The following LRRTM3 variants were observed in gnomAD, a reference collection of about 807,000 sequenced individuals.
The protein encoded by LRRTM3 is leucine rich repeat transmembrane neuronal 3, also known as leucine-rich repeat transmembrane neuronal protein 3.
LRRTM3 carries 24 observed loss-of-function variants against 44.7 expected under a neutral mutation model. That is an observed-to-expected ratio of 0.54 (90% CI 0.39 to 0.76). The LOEUF (loss-of-function observed/expected upper bound fraction) is 0.76. Among genes scored for constraint, LRRTM3 ranks in the 30% least tolerant of loss-of-function variants. The probability of loss-of-function intolerance (pLI) is 0.00; values close to 1 mark genes in which losing one functional copy is unlikely to be tolerated. For missense variants in LRRTM3, 587 were observed against 702.2 expected, an observed-to-expected ratio of 0.84 and a Z score of 1.85; for synonymous variants, 277 against 278.7, an observed-to-expected ratio of 0.99 and a Z score of 0.06.
At chr10:67,088,983 C>T (rs1347556089) in intron 2 of LRRTM3, among the ~76,000 whole-genome samples, 3 of 151,892 alleles carry the variant, frequency 2.0e-5, no homozygotes, top group Non-Finnish European at 2.9e-5. Context: ...ATAATGACTA[C>T]TTAGATAGAA....
intron 2 of LRRTM3, among the ~76,000 whole-genome samples, chr10:66,931,186 AAC>A (rs1847365350): frequency 2.0e-5 from 2 of 101,330 alleles, no homozygotes; most frequent in African/African-American, 7.1e-5. Flanking sequence ...CAAAGGTGAC[AAC>A]AGTTAAAAAA....
At chr10:66,985,131 T>A (rs1850654691) in intron 2 of LRRTM3, among the ~76,000 whole-genome samples, 1 of 152,192 alleles carries the variant, frequency 6.6e-6, no homozygotes, top group Non-Finnish European at 1.5e-5. Context: ...AAGACTAACA[T>A]TATCTAATAC....
At chr10:67,077,221 C>T (rs919940190) in intron 2 of LRRTM3, among the ~76,000 whole-genome samples, 1 of 152,174 alleles carries the variant, frequency 6.6e-6, no homozygotes, top group African/African-American at 2.4e-5. Flanking sequence ...TGCACATGTT[C>T]GCTCTGGACC....
intron 2 of LRRTM3, among the ~76,000 whole-genome samples, chr10:67,095,527 A>G (rs1857936010): frequency 6.6e-6 from 1 of 151,788 alleles, no homozygotes; most frequent in African/African-American, 2.4e-5. Context: ...ACCAGTCAGT[A>G]GCCTTGATAC....
In LRRTM3 at chr10:67,089,495, G is replaced by A. The variant is rs894844274; in HGVS notation, c.1537-8092G>A. On this transcript the variant is annotated intron_variant, in intron 2 of 2. Coordinates refer to ENST00000361320, the MANE Select transcript of LRRTM3 (RefSeq NM_178011.5). Reference sequence around the variant, plus strand: ...AGTTCTAGGAGATAGATTGCTCTTCGAACAAATAAATCAGTTTCAAAGTAA... The same window carrying A: ...AGTTCTAGGAGATAGATTGCTCTTCAAACAAATAAATCAGTTTCAAAGTAA... Among the ~76,000 whole-genome samples the A allele has an allele frequency of 3.9e-5, 6 of 151,906 alleles. 1 individual carries two copies. Among genetic ancestry groups the A allele is most frequent in the Admixed American group, 2.6e-4 (4 of 15,224 alleles).
At chr10:66,979,330 G>A (rs1267992902) in intron 2 of LRRTM3, among the ~76,000 whole-genome samples, 2 of 152,042 alleles carry the variant, frequency 1.3e-5, no homozygotes, top group Admixed American at 6.6e-5. Context: ...AAGCATACAT[G>A]TATTTGTGAA....
intron 2 of LRRTM3, among the ~76,000 whole-genome samples, chr10:67,091,325 C>T (rs1857620369): frequency 6.6e-6 from 1 of 151,770 alleles, no homozygotes; most frequent in African/African-American, 2.4e-5. Flanking sequence ...AATTTAAAGA[C>T]AGTGTGATAC....
intron 2 of LRRTM3, among the ~76,000 whole-genome samples, chr10:67,074,090 C>T (rs1202306447): frequency 7.8e-6 from 1 of 128,378 alleles, no homozygotes; most frequent in Non-Finnish European, 1.5e-5. Context: ...GGCTGGAGTG[C>T]AGTGGCGCCA....
At chr10:67,063,478 G>A (rs1174176458) in intron 2 of LRRTM3, among the ~76,000 whole-genome samples, 2 of 152,182 alleles carry the variant, frequency 1.3e-5, no homozygotes, top group Non-Finnish European at 2.9e-5. Flanking sequence ...GCAGGGTCAA[G>A]AGTTCACTCC....
intron 2 of LRRTM3, among the ~76,000 whole-genome samples, chr10:66,948,719 A>T (rs752634312): frequency 6.6e-6 from 1 of 152,212 alleles, no homozygotes; most frequent in Non-Finnish European, 1.5e-5. Flanking sequence ...ATGAAATTGA[A>T]CATATTAAAT....
At position 66,928,070 on chromosome 10, in the gene LRRTM3, C is replaced by A. The variant is rs1847173053; in HGVS notation, c.1154C>A (p.Pro385His). The change falls in exon 2 of 3, where the codon CCC (proline) becomes CAC (histidine). Residue 385 changes from proline (P) to histidine (H), a missense_variant. Pro to His is a moderately conservative substitution (Grantham distance 77). Transcript: ENST00000361320. Reference protein sequence around the residue: ...LPKPTFKPKLPRPKHESKPPL... With the variant: ...LPKPTFKPKLHRPKHESKPPL... ...AAGCCGACGTTTAAGCCCAAGCTCC[C>A]CAGGCCGAAGCATGAGAGCAAACCC... The A allele has an allele frequency of 6.2e-7, 1 of 1,613,932 alleles. No homozygotes were observed.
intron 2 of LRRTM3, among the ~76,000 whole-genome samples, chr10:66,973,003 C>T (rs1439037951): frequency 1.3e-5 from 2 of 152,118 alleles, no homozygotes; most frequent in African/African-American, 4.8e-5. Flanking sequence ...AAAACTAAGT[C>T]AACCACAAGC....
At chr10:67,089,787 G>GC (rs1384123065) in intron 2 of LRRTM3, among the ~76,000 whole-genome samples, 1 of 148,958 alleles carries the variant, frequency 6.7e-6, no homozygotes, top group African/African-American at 2.5e-5. Context: ...TGTCTCCTAG[G>GC]CCCCCCATCC....
intron 2 of LRRTM3, among the ~76,000 whole-genome samples, chr10:67,085,615 T>A (rs1245287115): frequency 2.0e-5 from 3 of 152,040 alleles, no homozygotes; most frequent in African/African-American, 7.2e-5. Flanking sequence ...TTAAAGTTTA[T>A]GTTTGTGTCA....
chr10:67,074,489 T>C (rs1856643085), intron 2 of LRRTM3, among the ~76,000 whole-genome samples: 1 of 151,558 alleles, frequency 6.6e-6, no homozygotes, highest in African/African-American at 2.4e-5. Context: ...TAGCTGGGAC[T>C]ACAGGCGCCC....
intron 2 of LRRTM3, among the ~76,000 whole-genome samples, chr10:66,970,056 G>A (rs796730809): frequency 3.9e-5 from 6 of 152,206 alleles, no homozygotes; most frequent in South Asian, 2.1e-4. Context: ...GGTTTAATGC[G>A]TGGCACCTAT....
At chr10:66,953,135 T>A (rs911478952) in intron 2 of LRRTM3, among the ~76,000 whole-genome samples, 1 of 152,178 alleles carries the variant, frequency 6.6e-6, no homozygotes, top group Non-Finnish European at 1.5e-5. Context: ...GTTATCTTAA[T>A]CATAAACCTG....
chr10:67,095,273 G>A (rs1589731177), intron 2 of LRRTM3, among the ~76,000 whole-genome samples: 2 of 151,480 alleles, frequency 1.3e-5, no homozygotes, highest in African/African-American at 4.8e-5. Context: ...CAATTACATG[G>A]AAATGATATA....
At position 67,063,593 on chromosome 10, in the gene LRRTM3, T is replaced by C. The variant is rs72804700; in HGVS notation, c.1537-33994T>C. ...CCAATGAAAGGTTGGGACCAGTGAA[T>C]ATCTGCCTTAGTTTTAGATAATGCA... On this transcript the variant is annotated intron_variant, in intron 2 of 2. Coordinates refer to ENST00000361320, the MANE Select transcript of LRRTM3 (RefSeq NM_178011.5). Among the ~76,000 whole-genome samples the C allele has an allele frequency of 5.1e-3, 779 of 152,338 alleles. 6 individuals are homozygous for C. Among genetic ancestry groups the C allele is most frequent in the Non-Finnish European group, 4.2e-3 (285 of 68,022 alleles).
Sources: gnomAD v4.1 joint callset for allele counts (sites outside exome capture counted in the v4.1 genomes callset) on GRCh38, gnomAD v4.1.1 for gene constraint, MANE v1.5 for transcripts, NCBI Gene and HGNC (gene_info 2026-07-23, HGNC 2026-07-21) for gene names.